Variants in NLRP4 observed in about 807,000 individuals in gnomAD.
The protein encoded by NLRP4 is NLR family pyrin domain containing 4, also known as NACHT, LRR and PYD domains-containing protein 4.
Under a neutral mutation model 84.7 loss-of-function variants are expected in NLRP4, and 44 were observed. That is an observed-to-expected ratio of 0.52 (90% CI 0.41 to 0.67). NLRP4 has a LOEUF of 0.67. Among genes scored for constraint, NLRP4 ranks in the 30% least tolerant of loss-of-function variants. NLRP4 has a pLI of 0.00. For missense variants in NLRP4, 1,260 were observed against 1,219.4 expected (o/e 1.03, Z -0.50); for synonymous variants, 544 against 476.4 (o/e 1.14, Z -1.85).
chr19:55,851,645 AATGTCCGAGGCTGCG>A (rs1326484484), intron 1 of NLRP4, among the ~76,000 whole-genome samples: 38 of 133,176 alleles, frequency 2.9e-4, no homozygotes, highest in Admixed American at 2.3e-4. Context: ...GCTGCGGTGT[AATGTCCGAGGCTGCG>A]GTGTAATGTC....
At chr19:55,839,479 T>TA (rs56042909) in intron 1 of NLRP4, among the ~76,000 whole-genome samples, 2,355 of 135,530 alleles carry the variant, frequency 0.017, 37 homozygotes, top group Middle Eastern at 0.036. Context: ...GGGGAAGAGT[T>TA]AAAAAAAAAA....
intron 3 of NLRP4, among the ~76,000 whole-genome samples, chr19:55,859,677 T>A (rs112874595): frequency 0.037 from 5,564 of 151,888 alleles, 191 homozygotes; most frequent in East Asian, 0.14. Context: ...CCTGTAACCC[T>A]ACCACTGTGG....
intron 1 of NLRP4, among the ~76,000 whole-genome samples, chr19:55,846,032 A>G (rs1029122031): frequency 1.3e-5 from 2 of 152,096 alleles, no homozygotes; most frequent in Non-Finnish European, 1.5e-5. Flanking sequence ...GTTTAATTAG[A>G]TCCCATTTGT....
chr19:55,848,866 C>G (rs1373232452), intron 1 of NLRP4, among the ~76,000 whole-genome samples: 6 of 152,106 alleles, frequency 3.9e-5, no homozygotes, highest in Non-Finnish European at 7.3e-5. Context: ...TTCCCCCATA[C>G]TGTTCTCCTA....
chr19:55,878,348 A>T (rs890354990), intron 8 of NLRP4, among the ~76,000 whole-genome samples: 2 of 152,202 alleles, frequency 1.3e-5, no homozygotes, highest in Admixed American at 6.5e-5. Flanking sequence ...AGAACCCAGC[A>T]GGTCAAGGCT....
chr19:55,861,049 GCT>G (rs371943276), intron 3 of NLRP4, among the ~76,000 whole-genome samples: 54 of 152,212 alleles, frequency 3.5e-4, no homozygotes, highest in African/African-American at 1.2e-3. Flanking sequence ...TTGGGGGCTG[GCT>G]CTCCTGTTAC....
chr19:55,861,336 G>T (rs769979843), intron 3 of NLRP4, 50 bp from the exon 4 acceptor site: 1 of 1,549,020 alleles, frequency 6.5e-7, no homozygotes, highest in Non-Finnish European at 8.9e-7. Flanking sequence ...GTTACAAGTG[G>T]CTCGTGTTGA....
chr19:55,840,332 ATGTGTATGTGTATGTG>A (rs1236414456), intron 1 of NLRP4, among the ~76,000 whole-genome samples: 1 of 120,186 alleles, frequency 8.3e-6, no homozygotes, highest in Non-Finnish European at 1.7e-5. Flanking sequence ...GTATAGACAT[ATGTGTATGTGTATGTG>A]TGTGTGTGTG....
intron 1 of NLRP4, among the ~76,000 whole-genome samples, chr19:55,850,692 T>TGGCTGCGGTGTAATTTACGA (rs1984067577): frequency 1.4e-5 from 1 of 72,786 alleles, no homozygotes; most frequent in African/African-American, 9.4e-5. Context: ...GTAATGTCCG[T>TGGCTGCGGTGTAATTTACGA]GGCTGCGGTG....
chr19:55,871,097 T>G, intron 7 of NLRP4, 100 bp downstream of exon 7: 1 of 1,001,222 alleles, frequency 1.0e-6, no homozygotes, highest in Admixed American at 2.4e-5. Context: ...GTAGTGTCTG[T>G]GCCTGGGCAT....
chr19:55,878,951 C>G lies in NLRP4; in HGVS notation c.2854C>G (p.Leu952Val). The change falls in exon 9 of 10, where the codon CTG becomes GTG. Residue 952 changes from leucine to valine, a missense_variant. This residue lies in a region of NLRP4 where 544 missense variants were observed against 531.7 expected (regional missense o/e 1.02). Coordinates refer to ENST00000301295, the MANE Select transcript of NLRP4 (RefSeq NM_134444.5). ...CEALRHPECALQVLGLRKTDF... is the reference protein window; with the variant it reads ...CEALRHPECAVQVLGLRKTDF... ...GGCCCTGAGACACCCAGAGTGTGCC[C>G]TGCAGGTGCTCGGGTGAGCTGGGGT... 7 of 1,612,988 alleles carry G rather than the reference C, an allele frequency of 4.3e-6. No homozygotes were observed. Among genetic ancestry groups the G allele is most frequent in the Non-Finnish European group, 5.9e-6 (7 of 1,179,222 alleles).
At chr19:55,857,565 G>A (rs1984489806) in intron 2 of NLRP4, 109 bp from the exon 3 acceptor site, 4 of 974,372 alleles carry the variant, frequency 4.1e-6, no homozygotes, top group East Asian at 2.4e-5. Context: ...TGGCCTGGGG[G>A]CCACAGTGTG....
At chr19:55,857,044 G>T (rs1054599173) in intron 2 of NLRP4, among the ~76,000 whole-genome samples, 2 of 152,132 alleles carry the variant, frequency 1.3e-5, no homozygotes, top group Non-Finnish European at 2.9e-5. Flanking sequence ...TGCAAATTGA[G>T]TACATGCTAT....
chr19:55,850,001 TGTGATTTCCGAGACTGC>T (rs1983988396), intron 1 of NLRP4, among the ~76,000 whole-genome samples: 4 of 36,458 alleles, frequency 1.1e-4, no homozygotes, highest in Admixed American at 9.5e-4. Context: ...GAGACTGCGG[TGTGATTTCCGAGACTGC>T]GGTGTGATTT....
rs199761115 is a variant in NLRP4, at chr19:55,873,997, CT to C, written c.2526-2998del. ...TTTTTTTAATGGTAAAATAAACCCC[CT>C]AAAGGATGGAAGGAAATAAAAATAA... On this transcript the variant is annotated intron_variant, in intron 7 of 9. Transcript: ENST00000301295. 1.7e-3 allele frequency among the ~76,000 whole-genome samples: 263 copies of C among 151,644 alleles called. 4 individuals are homozygous for C. The East Asian group carries it at 0.024, about 14-fold the overall frequency.
intron 5 of NLRP4, among the ~76,000 whole-genome samples, chr19:55,867,344 C>T (rs1018399709): frequency 6.6e-6 from 1 of 151,272 alleles, no homozygotes; most frequent in Non-Finnish European, 1.5e-5. Flanking sequence ...TTGGCTGTCT[C>T]TGTACCCTAG....
At chr19:55,849,916 C>A (rs112703873) in intron 1 of NLRP4, among the ~76,000 whole-genome samples, 967 of 83,024 alleles carry the variant, frequency 0.012, 48 homozygotes, top group South Asian at 0.053. Flanking sequence ...TTTCCGTAGC[C>A]GCGGTGTAAT....
intron 3 of NLRP4, among the ~76,000 whole-genome samples, chr19:55,860,629 A>G (rs1368205435): frequency 6.6e-6 from 1 of 152,080 alleles, no homozygotes; most frequent in African/African-American, 2.4e-5. Context: ...ATCCTGTTAC[A>G]GGTGAGGAAA....
intron 1 of NLRP4, among the ~76,000 whole-genome samples, chr19:55,845,170 T>TC (rs1308098985): frequency 1.4e-4 from 12 of 87,468 alleles, no homozygotes; most frequent in African/African-American, 5.4e-4. Context: ...ATGCTATCCC[T>TC]CCCCCCTCCC....
Sources: allele counts gnomAD v4.1 joint callset (sites outside exome capture counted in the v4.1 genomes callset), GRCh38; gene constraint gnomAD v4.1.1; regional missense constraint gnomAD v4.1.1; transcripts MANE v1.5; gene names NCBI Gene and HGNC (gene_info 2026-07-23, HGNC 2026-07-21).